EFCAB6: variants seen among roughly 807,000 people sequenced by gnomAD.
EFCAB6 encodes the protein EF-hand calcium binding domain 6, also known as EF-hand calcium-binding domain-containing protein 6.
EFCAB6 carries 156 observed loss-of-function variants against 169.8 expected under a neutral mutation model. The observed-to-expected ratio is 0.92, with a 90% CI of 0.81 to 1.05. The LOEUF (loss-of-function observed/expected upper bound fraction) is 1.05. EFCAB6 is among the 50% of genes least tolerant of loss of function. The pLI is 0.00. For synonymous variants in EFCAB6, 698 were observed against 676.4 expected (o/e 1.03, Z -0.50); for missense variants, 1,800 against 1,829.1 (o/e 0.98, Z 0.29).
intron 17 of EFCAB6, among the ~76,000 whole-genome samples, chr22:43,665,754 G>A (rs2057217986): frequency 1.3e-5 from 2 of 152,170 alleles, no homozygotes; most frequent in South Asian, 2.1e-4. Context: ...TCAGAAATCT[G>A]GGAATGACTT....
intron 10 of EFCAB6, among the ~76,000 whole-genome samples, chr22:43,704,128 A>G (rs1470170967): frequency 6.6e-6 from 1 of 152,160 alleles, no homozygotes; most frequent in Non-Finnish European, 1.5e-5. Context: ...GCAAGAGATT[A>G]AAAAAACATA....
rs148200261 is a variant in EFCAB6 at position 43,634,820 on chromosome 22, G to A, written c.2098+282C>T. Among the ~76,000 whole-genome samples, 130 of 152,304 alleles carry A rather than the reference G, an allele frequency of 8.5e-4. 2 individuals are homozygous for A. The East Asian group carries it at 0.011, about 13-fold the overall frequency. ...ACCTTAGGGGAAAATCTTAAAGGCC[G>A]TGAGGTGTGATTGAAGAAACAGGCT... On this transcript the variant is annotated intron_variant, in intron 18 of 31. Coordinates refer to ENST00000262726, the MANE Select transcript of EFCAB6 (RefSeq NM_022785.4).
intron 23 of EFCAB6, among the ~76,000 whole-genome samples, chr22:43,592,741 G>A (rs2147435695): frequency 6.6e-6 from 1 of 152,228 alleles, no homozygotes; most frequent in South Asian, 2.1e-4. Flanking sequence ...CACACACACG[G>A]CCTCCCCACT....
In EFCAB6 at chr22:43,555,093, C is replaced by T; in HGVS notation, c.3424G>A (p.Ala1142Thr). The change falls in exon 27 of 32, where the codon GCT (alanine) becomes ACT (threonine). Residue 1142 changes from alanine (A) to threonine (T), a missense_variant. By Grantham distance (58) the Ala-to-Thr change is moderately conservative (BLOSUM62 0). Coordinates refer to ENST00000262726, the MANE Select transcript of EFCAB6 (RefSeq NM_022785.4). ...QNFSCFLEETADEWAEKMPKG... is the reference protein window; with the variant it reads ...QNFSCFLEETTDEWAEKMPKG... ...GGCATTTTCTCAGCCCACTCATCAGCTGTCTGGACAAAATAGAATGGAAAT... is the reference window on the plus strand; with the variant it reads ...GGCATTTTCTCAGCCCACTCATCAGTTGTCTGGACAAAATAGAATGGAAAT... The T allele has an allele frequency of 6.2e-7, 1 of 1,614,190 alleles. No individual in the cohort carries two copies. The highest frequency in any genetic ancestry group is 8.5e-7 in the Non-Finnish European group (1 of 1,180,030).
At chr22:43,644,072 C>A (rs1458375903) in intron 17 of EFCAB6, among the ~76,000 whole-genome samples, 1 of 152,092 alleles carries the variant, frequency 6.6e-6, no homozygotes, top group Non-Finnish European at 1.5e-5. Flanking sequence ...GATCCACCTG[C>A]CTCGGCCTCC....
At chr22:43,792,271 G>T (rs918785128) in intron 2 of EFCAB6, among the ~76,000 whole-genome samples, 3 of 152,212 alleles carry the variant, frequency 2.0e-5, no homozygotes, top group African/African-American at 7.2e-5. Flanking sequence ...GAGGTTCATG[G>T]ACACGAACCT....
At chr22:43,660,132 A>G (rs562273077) in intron 17 of EFCAB6, among the ~76,000 whole-genome samples, 1 of 152,344 alleles carries the variant, frequency 6.6e-6, no homozygotes, top group East Asian at 1.9e-4. Context: ...ACAGACAATT[A>G]CAAGAAGCTG....
intron 13 of EFCAB6, among the ~76,000 whole-genome samples, chr22:43,674,716 T>C (rs1468003597): frequency 6.6e-6 from 1 of 152,246 alleles, no homozygotes; most frequent in Non-Finnish European, 1.5e-5. Flanking sequence ...TAACATTTTA[T>C]GCGCATTATC....
intron 18 of EFCAB6, among the ~76,000 whole-genome samples, chr22:43,634,008 G>A (rs1353077117): frequency 6.6e-6 from 1 of 152,118 alleles, no homozygotes; most frequent in African/African-American, 2.4e-5. Flanking sequence ...CGGGCAGGGA[G>A]AGGAGAAGCA....
chr22:43,665,532 A>G (rs991244058), intron 17 of EFCAB6, among the ~76,000 whole-genome samples: 1 of 152,240 alleles, frequency 6.6e-6, no homozygotes, highest in African/African-American at 2.4e-5. Flanking sequence ...CAAGCTCATT[A>G]TGCATTACGG....
At chr22:43,652,817 A>G (rs1249207184) in intron 17 of EFCAB6, among the ~76,000 whole-genome samples, 1 of 123,704 alleles carries the variant, frequency 8.1e-6, no homozygotes, top group African/African-American at 2.7e-5. Context: ...TGGAAATACC[A>G]GAAAAAAAAA....
chr22:43,598,959 A>C (rs2052270277), intron 23 of EFCAB6, among the ~76,000 whole-genome samples: 1 of 152,210 alleles, frequency 6.6e-6, no homozygotes, highest in Non-Finnish European at 1.5e-5. Context: ...ATCAGTTTTA[A>C]AAATGGAAAG....
chr22:43,576,365 T>C lies in EFCAB6; in HGVS notation c.3352A>G (p.Arg1118Gly). 1 of 1,600,334 alleles carries C rather than the reference T, an allele frequency of 6.2e-7. No homozygotes were observed. The highest frequency in any genetic ancestry group is 1.1e-5 in the South Asian group (1 of 87,048). ...TTTATATAGGGGGTTAGATGAATTC[T>C]TAGTTTCCTCAAAAAATAATGATAC... ...NQYHYFLRKL[R>G]IHLTPYINWK... is the part of the protein sequence containing the mutation. Residue 1118 changes from arginine (R) to glycine (G), a missense_variant, in exon 26 of 32, where the codon AGA (arginine) becomes GGA (glycine). Arg to Gly is a moderately radical substitution (Grantham distance 125). Coordinates refer to ENST00000262726, the MANE Select transcript of EFCAB6 (RefSeq NM_022785.4).
chr22:43,735,064 C>T (rs1356737164), intron 7 of EFCAB6, among the ~76,000 whole-genome samples: 1 of 152,136 alleles, frequency 6.6e-6, no homozygotes, highest in Non-Finnish European at 1.5e-5. Context: ...AGGGAATGGA[C>T]CTCTCGGCTG....
chr22:43,808,173 CA>C (rs1281508870), intron 2 of EFCAB6, among the ~76,000 whole-genome samples: 1 of 152,092 alleles, frequency 6.6e-6, no homozygotes, highest in African/African-American at 2.4e-5. Flanking sequence ...TAACGATTTC[CA>C]TAGCATTTAC....
In EFCAB6 at chr22:43,703,871, G is replaced by C. The variant is rs925109872; in HGVS notation, c.1031+7604C>G. Among the ~76,000 whole-genome samples, 4 of 151,916 alleles carry C rather than the reference G, an allele frequency of 2.6e-5. No individual in the cohort carries two copies. The East Asian group carries it at 7.7e-4, about 29-fold the overall frequency. ...GATGAAGAAAACCTATGGGAATTAT[G>C]GGACACCATCAAGGGACCTAATATA... On this transcript the variant is annotated intron_variant, in intron 10 of 31. Coordinates refer to ENST00000262726, the MANE Select transcript of EFCAB6 (RefSeq NM_022785.4).
At chr22:43,796,022 A>G (rs931750961) in intron 2 of EFCAB6, among the ~76,000 whole-genome samples, 3 of 144,514 alleles carry the variant, frequency 2.1e-5, no homozygotes, top group African/African-American at 7.7e-5. Flanking sequence ...ACCACAGACC[A>G]CTTACCCCCC....
chr22:43,762,092 CT>C (rs1220952472), intron 5 of EFCAB6, among the ~76,000 whole-genome samples: 1 of 152,206 alleles, frequency 6.6e-6, no homozygotes, highest in African/African-American at 2.4e-5. Flanking sequence ...AAAAAAGTTC[CT>C]TGCCCGAAAC....
At chr22:43,686,630 G>A (rs1353369449) in intron 11 of EFCAB6, among the ~76,000 whole-genome samples, 1 of 152,008 alleles carries the variant, frequency 6.6e-6, no homozygotes, top group Non-Finnish European at 1.5e-5. Flanking sequence ...AGCAGAGAGG[G>A]AGCGCTCTGA....
Sources: allele counts gnomAD v4.1 joint callset (sites outside exome capture counted in the v4.1 genomes callset), GRCh38; gene constraint gnomAD v4.1.1; transcripts MANE v1.5; gene names NCBI Gene and HGNC (gene_info 2026-07-23, HGNC 2026-07-21).